Variants in DBF4B observed in about 807,000 individuals in gnomAD.
DBF4B encodes protein DBF4 homolog B.
DBF4B carries 49 observed loss-of-function variants against 53.4 expected under a neutral mutation model. The ratio of observed to expected loss-of-function variants is 0.92; its 90% CI spans 0.73 to 1.16. DBF4B has a LOEUF of 1.16. Ranked by LOEUF, DBF4B falls within the 50% of genes most tolerant of loss-of-function variation. DBF4B has a pLI of 0.00. For synonymous variants in DBF4B, 257 were observed against 288.7 expected (o/e 0.89, Z 1.11); for missense variants, 692 against 775.0 (o/e 0.89, Z 1.27).
rs960355382 is a variant in DBF4B at position 44,751,574 on chromosome 17, C to T, written c.*321C>T. On this transcript the variant is annotated 3_prime_UTR_variant, in exon 14 of 14. Transcript: ENST00000315005. ...CCTTCTCAGACTTGCCACCTTTCCC[C>T]TCTGCCCCAAAATGCCATGCTCCTC... is the stretch of plus-strand genomic sequence containing the variant. The T allele has an allele frequency of 1.9e-5, 25 of 1,345,580 alleles. No individual in the cohort carries two copies. In the Admixed American group the frequency reaches 2.0e-4, roughly 11 times the overall value. 83.4% of individuals were successfully genotyped at this position (1,345,580 alleles called of 1,614,324 possible). A position where few individuals can be genotyped will look rare whatever the true frequency, so the allele number is the denominator to read the frequency against.
chr17:44,733,834 G>A, intron 6 of DBF4B: 1 of 487,068 alleles, frequency 2.1e-6, no homozygotes, highest in South Asian at 2.6e-5. Flanking sequence ...GGCACCTTCT[G>A]TTCAAAGATG....
chr17:44,721,216 T>TCCCCC (rs11441095), intron 2 of DBF4B, among the ~76,000 whole-genome samples: 8 of 118,036 alleles, frequency 6.8e-5, no homozygotes, highest in African/African-American at 1.9e-4. Context: ...AACTAATTCT[T>TCCCCC]CCCCCCCCCT....
intron 2 of DBF4B, among the ~76,000 whole-genome samples, chr17:44,716,596 G>T (rs1233503520): frequency 6.6e-6 from 1 of 152,022 alleles, no homozygotes; most frequent in Non-Finnish European, 1.5e-5. Flanking sequence ...GGCATCCCTG[G>T]CCTCCACCCG....
At chr17:44,745,539 G>GT (rs1976507863) in intron 10 of DBF4B, among the ~76,000 whole-genome samples, 1 of 152,216 alleles carries the variant, frequency 6.6e-6, no homozygotes, top group South Asian at 2.1e-4. Flanking sequence ...GCTGAGTGAA[G>GT]GGGGAAGAGC....
At chr17:44,748,086 T>C (rs1191512288) in intron 12 of DBF4B, among the ~76,000 whole-genome samples, 1 of 152,178 alleles carries the variant, frequency 6.6e-6, no homozygotes, top group African/African-American at 2.4e-5. Context: ...TGTGAAGTCA[T>C]GAAATGGAAT....
At chr17:44,725,261 G>A (rs546893754) in intron 3 of DBF4B, among the ~76,000 whole-genome samples, 1 of 152,148 alleles carries the variant, frequency 6.6e-6, no homozygotes, top group East Asian at 1.9e-4. Context: ...CTACACTCCA[G>A]CCTGGATGAC....
intron 2 of DBF4B, among the ~76,000 whole-genome samples, chr17:44,711,909 T>G (rs1298330994): frequency 6.7e-6 from 1 of 149,158 alleles, no homozygotes; most frequent in Non-Finnish European, 1.5e-5. Context: ...CACTCCAGCC[T>G]GGGCGACAGA....
Position 44,751,285 on chromosome 17 carries a change from A to G in DBF4B, c.*32A>G. 1 of 1,593,528 alleles carries G rather than the reference A, an allele frequency of 6.3e-7. No individual in the cohort carries two copies. The highest frequency in any genetic ancestry group is 8.6e-7 in the Non-Finnish European group (1 of 1,169,448). On this transcript the variant is annotated 3_prime_UTR_variant, in exon 14 of 14. Transcript: ENST00000315005. ...ACCCAGAACACCTGAGACTTGACCC[A>G]GGATGGATGGGTGCTGCTTGATGTG...
At chr17:44,723,641 C>T (rs1393842316) in intron 3 of DBF4B, among the ~76,000 whole-genome samples, 1 of 151,744 alleles carries the variant, frequency 6.6e-6, no homozygotes, top group Non-Finnish European at 1.5e-5. Flanking sequence ...CACCTATAGT[C>T]CCAGCTGCTC....
chr17:44,736,148 A>AT (rs61077434), intron 7 of DBF4B, among the ~76,000 whole-genome samples: 15,777 of 139,834 alleles, frequency 0.11, 1,106 homozygotes, highest in African/African-American at 0.2. Context: ...TGCCTGGCTA[A>AT]TTTTTTTTTT....
intron 6 of DBF4B, among the ~76,000 whole-genome samples, chr17:44,733,259 A>C (rs1429254065): frequency 4.6e-5 from 7 of 152,160 alleles, no homozygotes; most frequent in African/African-American, 1.7e-4. Flanking sequence ...TGTCCCCATT[A>C]TACAGATGAG....
intron 2 of DBF4B, among the ~76,000 whole-genome samples, chr17:44,713,335 C>T (rs1047346779): frequency 1.3e-5 from 2 of 150,150 alleles, no homozygotes; most frequent in Non-Finnish European, 3.0e-5. Context: ...GCCACCACGC[C>T]CCGCCGACAT....
In DBF4B at chr17:44,751,973, G is replaced by A. The variant is rs1289063101; in HGVS notation, c.*720G>A. The A allele has an allele frequency of 1.4e-5, 21 of 1,535,160 alleles. No individual in the cohort carries two copies. Among genetic ancestry groups the A allele is most frequent in the Middle Eastern group, 3.3e-4 (2 of 5,984 alleles). On this transcript the variant is annotated 3_prime_UTR_variant, in exon 14 of 14. Transcript: ENST00000315005. Reference sequence around the variant, plus strand: ...TTGCCGTCTGCCCTGAGTCAGCTCCGAGACACCTGAAGAGCCCTCCAGCCC... The same window carrying A: ...TTGCCGTCTGCCCTGAGTCAGCTCCAAGACACCTGAAGAGCCCTCCAGCCC...
intron 6 of DBF4B, 155 bp from the exon 7 acceptor site, chr17:44,733,935 G>A: frequency 1.6e-6 from 1 of 633,680 alleles, no homozygotes; most frequent in East Asian, 2.6e-5. Context: ...GCTGTCAGGA[G>A]ATGCAGAGGG....
In DBF4B at chr17:44,749,248, TC is replaced by T. The variant is rs1297590726; in HGVS notation, c.1189+786del. The T allele has an allele frequency of 7.7e-7, 1 of 1,290,504 alleles. No individual in the cohort carries two copies. The highest frequency in any genetic ancestry group is 5.6e-5 in the East Asian group (1 of 18,010). 79.9% of individuals were successfully genotyped at this position (1,290,504 alleles called of 1,614,324 possible). A position where few individuals can be genotyped will look rare whatever the true frequency, so the allele number is the denominator to read the frequency against. The stretch of plus-strand genomic sequence containing the variant: ...TCTCCAGGTGCCCTGTCTCCCTGTC[TC>T]CCAGCCCTGGTCCCAACCCCAGCCC... On this transcript the variant is annotated intron_variant, in intron 13 of 13. Transcript: ENST00000315005. The surrounding 1 kb of genome is among the most constrained non-coding windows in gnomAD (Gnocchi z 4.4).
chr17:44,752,042 C>T lies in DBF4B; in HGVS notation c.*789C>T, dbSNP rs2049286761. The T allele has an allele frequency of 5.4e-6, 8 of 1,475,798 alleles. No homozygotes were observed. Among genetic ancestry groups the T allele is most frequent in the Non-Finnish European group, 1.8e-6 (2 of 1,092,324 alleles). 91.4% of individuals were successfully genotyped at this position (1,475,798 alleles called of 1,614,324 possible). Reference sequence around the variant, plus strand: ...TAGGTCCCCAGGCCTTTGTTCTTGCCTCTTCTCGCTGAGCCTTTCACTTCT... The same window carrying T: ...TAGGTCCCCAGGCCTTTGTTCTTGCTTCTTCTCGCTGAGCCTTTCACTTCT... On this transcript the variant is annotated 3_prime_UTR_variant, in exon 14 of 14. Coordinates refer to ENST00000315005, the MANE Select transcript of DBF4B (RefSeq NM_145663.3).
chr17:44,726,893 G>A (rs1169258334), intron 3 of DBF4B, among the ~76,000 whole-genome samples: 2 of 152,092 alleles, frequency 1.3e-5, no homozygotes, highest in Non-Finnish European at 2.9e-5. Flanking sequence ...AAGGCCAAGA[G>A]TTCAAGGCCA....
chr17:44,736,725 A>T (rs1435027497), intron 7 of DBF4B, 105 bp from the exon 8 acceptor site: 13 of 1,282,962 alleles, frequency 1.0e-5, no homozygotes, highest in Middle Eastern at 3.7e-4. Context: ...TCTCAACAGC[A>T]GGAAGCAAAG....
intron 7 of DBF4B, among the ~76,000 whole-genome samples, chr17:44,735,733 G>A (rs892927250): frequency 3.3e-5 from 5 of 152,146 alleles, no homozygotes; most frequent in Admixed American, 6.5e-5. Flanking sequence ...GGTGTAATGT[G>A]CTGATACGCA....
Sources: allele counts gnomAD v4.1 joint callset (sites outside exome capture counted in the v4.1 genomes callset), GRCh38; gene constraint gnomAD v4.1.1; non-coding constraint Gnocchi (gnomAD v3.1); transcripts MANE v1.5; gene names NCBI Gene and HGNC (gene_info 2026-07-23, HGNC 2026-07-21).